PCDHA4: variants seen among roughly 807,000 people sequenced by gnomAD.
PCDHA4 encodes protocadherin alpha 4, also known as protocadherin alpha-4.
PCDHA4 carries 49 observed loss-of-function variants against 61.4 expected under a neutral mutation model. The observed-to-expected ratio is 0.80, with a 90% CI of 0.63 to 1.01. The LOEUF (loss-of-function observed/expected upper bound fraction) is 1.01, where lower values mean the gene tolerates loss of function less well. PCDHA4 is among the 50% of genes least tolerant of loss of function. The pLI is 0.00. For synonymous variants in PCDHA4, 590 were observed against 550.3 expected, an observed-to-expected ratio of 1.07 and a Z score of -1.01; for missense variants, 1,254 against 1,235.8, an observed-to-expected ratio of 1.01 and a Z score of -0.22.
At position 140,809,212 on chromosome 5, in the gene PCDHA4, G is replaced by A; in HGVS notation, c.2025G>A (p.Ala675=). The change falls in exon 1 of 4, where the codon GCG becomes GCA. Residue 675 remains alanine, a synonymous_variant. Transcript: ENST00000530339. ...VLVSLVESGQ[A]PKASSRALVG... ...TGTCACTTGTGGAGAGTGGACAGGC[G>A]CCAAAGGCCTCCTCACGGGCGTTGG... The A allele has an allele frequency of 6.2e-7, 1 of 1,614,038 alleles. No individual in the cohort carries two copies. The highest frequency in any genetic ancestry group is 1.1e-5 in the South Asian group (1 of 91,084).
In PCDHA4 at chr5:141,005,148, G is replaced by T. The variant is rs528805353; in HGVS notation, c.2534-4479G>T. The stretch of plus-strand genomic sequence containing the variant: ...AAGTGCCTCATTGGAGAGTTGTTTG[G>T]TCTGCTAAAGAGTGGGTACCACTTT... On this transcript the variant is annotated intron_variant, in intron 3 of 3. Transcript: ENST00000530339. 3.3e-5 allele frequency among the ~76,000 whole-genome samples: 5 copies of T among 152,328 alleles called. No individual in the cohort carries two copies. The South Asian group carries it at 1.0e-3, about 32-fold the overall frequency.
intron 1 of PCDHA4, among the ~76,000 whole-genome samples, chr5:140,945,201 T>C (rs1168662297): frequency 2.6e-5 from 4 of 152,054 alleles, no homozygotes; most frequent in Non-Finnish European, 5.9e-5. Flanking sequence ...CTATTTACAA[T>C]AGCTATGAGA....
chr5:140,926,830 G>T (rs2083580756), intron 1 of PCDHA4: 2 of 1,503,958 alleles, frequency 1.3e-6, no homozygotes, highest in Non-Finnish European at 1.8e-6. Context: ...CAGGAGTCCG[G>T]AGCATGGTCC....
chr5:140,865,725 A>T (rs1326307411), intron 1 of PCDHA4: 1 of 152,210 alleles, frequency 6.6e-6, no homozygotes, highest in Non-Finnish European at 1.5e-5. Context: ...AGAAGCTGAG[A>T]TGTGTATCTA....
At chr5:140,814,251 T>C (rs1765470466) in intron 1 of PCDHA4, 1 of 152,578 alleles carries the variant, frequency 6.6e-6, no homozygotes, top group African/African-American at 2.4e-5. Flanking sequence ...AATGAAGATA[T>C]AAACACCCAT....
At chr5:140,863,524 T>A in intron 1 of PCDHA4, 1 of 397,376 alleles carries the variant, frequency 2.5e-6, no homozygotes, top group Non-Finnish European at 4.9e-6. Context: ...CTCCCATGGT[T>A]CAGATTTTGG....
chr5:140,822,473 A>T (rs2150116639), intron 1 of PCDHA4: 6 of 1,613,830 alleles, frequency 3.7e-6, no homozygotes, highest in Middle Eastern at 3.3e-4. Flanking sequence ...AATGTATTGG[A>T]TGCTAATGAT....
chr5:140,834,264 C>G lies in PCDHA4; in HGVS notation c.2385+24692C>G. ...TCGCACTGGAAAGACGCTCCACTCT[C>G]TTTCACTCTTTGGATGCACAACAAT... On this transcript the variant is annotated intron_variant, in intron 1 of 3. Transcript: ENST00000530339. The G allele has an allele frequency of 6.9e-6, 7 of 1,010,524 alleles. No individual in the cohort carries two copies. In the South Asian group the frequency reaches 9.7e-5, roughly 14 times the overall value. The allele number at this position is 1,010,524 out of a possible 1,614,324, so 62.6% of individuals were successfully genotyped here. A position where few individuals can be genotyped will look rare whatever the true frequency, so the allele number is the denominator to read the frequency against.
intron 1 of PCDHA4, chr5:140,969,185 A>G (rs782632936): frequency 1.9e-6 from 3 of 1,613,974 alleles, no homozygotes; most frequent in South Asian, 1.1e-5. Context: ...TGACACTTTC[A>G]TGTTTTACAA....
At chr5:141,001,476 G>A (rs1554258187) in intron 3 of PCDHA4, among the ~76,000 whole-genome samples, 1 of 152,226 alleles carries the variant, frequency 6.6e-6, no homozygotes, top group Admixed American at 6.5e-5. Flanking sequence ...CAGCAGCGGG[G>A]AAGTGCTGGA....
At chr5:140,871,651 T>C (rs1415489448) in intron 1 of PCDHA4, 20 of 1,258,470 alleles carry the variant, frequency 1.6e-5, no homozygotes, top group Non-Finnish European at 1.9e-5. Flanking sequence ...TACCAAATGA[T>C]ACACATCTTC....
rs201762893 is a variant in PCDHA4, at chr5:140,829,796, C to G, written c.2385+20224C>G. The stretch of plus-strand genomic sequence containing the variant: ...CAACGCGCCGGCGCTGCTGGCGCCT[C>G]GGGTGGGTGGTACTGGTGGTGCAGT... On this transcript the variant is annotated intron_variant, in intron 1 of 3. Transcript: ENST00000530339. The G allele has an allele frequency of 6.8e-4, 1,090 of 1,613,774 alleles. 9 individuals carry two copies. Among genetic ancestry groups the G allele is most frequent in the East Asian group, 3.1e-4 (14 of 44,862 alleles).
chr5:140,853,857 A>T, intron 1 of PCDHA4: 3 of 985,610 alleles, frequency 3.0e-6, no homozygotes, highest in Non-Finnish European at 3.7e-6. Flanking sequence ...GCCCTATTTG[A>T]TACTTGACAG....
rs548585515 is a variant in PCDHA4 at position 140,853,706 on chromosome 5, G to A, written c.2385+44134G>A. 358 of 988,170 alleles carry A rather than the reference G, an allele frequency of 3.6e-4. 28 individuals are homozygous for A. The South Asian group carries it at 0.015, about 41-fold the overall frequency. The allele number at this position is 988,170 out of a possible 1,614,324, so 61.2% of individuals were successfully genotyped here. A position where few individuals can be genotyped will look rare whatever the true frequency, so the allele number is the denominator to read the frequency against. ...TATCCTTAGACCTGCTAACGCATTA[G>A]CATTAGCAGCACCTAAGTCCTCATT... On this transcript the variant is annotated intron_variant, in intron 1 of 3. Coordinates refer to ENST00000530339, the MANE Select transcript of PCDHA4 (RefSeq NM_018907.4).
At chr5:140,883,308 C>T (rs782669562) in intron 1 of PCDHA4, 2 of 1,614,102 alleles carry the variant, frequency 1.2e-6, no homozygotes, top group South Asian at 1.1e-5. Flanking sequence ...AATGATAACG[C>T]CCCAGAGGTT....
At chr5:140,985,682 C>T (rs1261119986) in intron 3 of PCDHA4, among the ~76,000 whole-genome samples, 3 of 151,710 alleles carry the variant, frequency 2.0e-5, no homozygotes, top group African/African-American at 4.8e-5. Flanking sequence ...GCCTGCCTTA[C>T]GCTAATCCTC....
At position 140,862,994 on chromosome 5, in the gene PCDHA4, G is replaced by A. The variant is rs199654880; in HGVS notation, c.2385+53422G>A. 324 of 549,002 alleles carry A rather than the reference G, an allele frequency of 5.9e-4. 3 individuals are homozygous for A. The highest frequency in any genetic ancestry group is 1.3e-3 in the South Asian group (92 of 72,564). 34.0% of individuals were successfully genotyped at this position (549,002 alleles called of 1,614,324 possible). On this transcript the variant is annotated intron_variant, in intron 1 of 3. Coordinates refer to ENST00000530339, the MANE Select transcript of PCDHA4 (RefSeq NM_018907.4). ...CCACTTGGTGGCGAAGGTGCGCACGGTGGACTCCAGCTATGACGCCTGGTT... is the reference window on the plus strand; with the variant it reads ...CCACTTGGTGGCGAAGGTGCGCACGATGGACTCCAGCTATGACGCCTGGTT...
chr5:140,867,064 T>C (rs890190808), intron 1 of PCDHA4: 7 of 152,176 alleles, frequency 4.6e-5, no homozygotes, highest in Admixed American at 1.3e-4. Flanking sequence ...CTACTTTATA[T>C]ATTCACAAAA....
intron 1 of PCDHA4, chr5:140,850,108 G>C (rs2150467680): frequency 6.3e-7 from 1 of 1,596,108 alleles, no homozygotes; most frequent in East Asian, 2.2e-5. Context: ...GTGAGCGCGC[G>C]CGACGCGGGC....
Sources: allele counts gnomAD v4.1 joint callset (sites outside exome capture counted in the v4.1 genomes callset), GRCh38; gene constraint gnomAD v4.1.1; transcripts MANE v1.5; gene names NCBI Gene and HGNC (gene_info 2026-07-23, HGNC 2026-07-21).